The following LLGL2 variants were observed in gnomAD, a reference collection of about 807,000 sequenced individuals.
The protein encoded by LLGL2 is LLGL2, scribble cell polarity complex component.
A neutral mutation model predicts 123.2 loss-of-function variants in LLGL2; 81 were observed. That is an observed-to-expected ratio of 0.66 (90% CI 0.55 to 0.79). The LOEUF is 0.79. Ranked by LOEUF, LLGL2 falls within the 30% of genes least tolerant of loss-of-function variation. The pLI is 0.00. For missense variants in LLGL2, 1,273 were observed against 1,414.6 expected (o/e 0.90, Z 1.61); for synonymous variants, 577 against 594.1 (o/e 0.97, Z 0.42).
In LLGL2 at chr17:75,558,881, ACCCCACCTC is replaced by A. The variant is rs2055055745; in HGVS notation, c.371+256_371+264del. On this transcript the variant is annotated intron_variant, in intron 5 of 25. Coordinates refer to ENST00000392550, the MANE Select transcript of LLGL2 (RefSeq NM_001031803.2). This position sits in a 1 kb window ranked among gnomAD's most constrained non-coding sequence, Gnocchi z 4.0. ...TCCGCACCCCGCCTCCTCCATCCGC[ACCCCACCTC>A]CTCCATCCACACCACGCCTCCTCCA... 5.1e-6 allele frequency: 1 copy of A among 197,218 alleles called. No individual in the cohort carries two copies. Among genetic ancestry groups the A allele is most frequent in the African/African-American group, 4.0e-5 (1 of 24,704 alleles). The allele number at this position is 197,218 out of a possible 1,614,324, so 12.2% of individuals were successfully genotyped here. A position where few individuals can be genotyped will look rare whatever the true frequency, so the allele number is the denominator to read the frequency against.
chr17:75,570,502 A>T lies in LLGL2; in HGVS notation c.2025+4A>T, dbSNP rs747177188. 1 of 1,567,762 alleles carries T rather than the reference A, an allele frequency of 6.4e-7. No individual in the cohort carries two copies. Among genetic ancestry groups the T allele is most frequent in the South Asian group, 1.2e-5 (1 of 85,594 alleles). On this transcript the variant is annotated splice_donor_region_variant and intron_variant, in intron 16 of 25. Transcript: ENST00000392550. ...CCCGGCTGGCCCCCCAGGAGAGGTG[A>T]GGCCTGAGGTGAGGCTGCGGCCGGC...
At chr17:75,535,320 G>A (rs1424139056) in intron 1 of LLGL2, among the ~76,000 whole-genome samples, 2 of 152,254 alleles carry the variant, frequency 1.3e-5, no homozygotes, top group Non-Finnish European at 2.9e-5. Context: ...TGGGGAGCAC[G>A]AGCGAAGAGG....
rs1288243214 is a variant in LLGL2 at position 75,558,144 on chromosome 17, C to T, written c.174-11C>T. On this transcript the variant is annotated splice_polypyrimidine_tract_variant and intron_variant, in intron 3 of 25. Coordinates refer to ENST00000392550, the MANE Select transcript of LLGL2 (RefSeq NM_001031803.2). The surrounding 1 kb of genome is among the most constrained non-coding windows in gnomAD (Gnocchi z 4.0). Reference sequence around the variant, plus strand: ...TCCGACCTTCCAGAGCTTTCCTGAGCCTACTCCTAGCTACGGAGCCCCAGG... The same window carrying T: ...TCCGACCTTCCAGAGCTTTCCTGAGTCTACTCCTAGCTACGGAGCCCCAGG... The T allele has an allele frequency of 6.2e-7, 1 of 1,613,440 alleles. No individual in the cohort carries two copies.
chr17:75,554,299 T>C (rs576248961), intron 2 of LLGL2, among the ~76,000 whole-genome samples: 527 of 35,126 alleles, frequency 0.015, 15 homozygotes, highest in South Asian at 0.13. Flanking sequence ...CAAAACTCCG[T>C]CTCAAAAAAA....
At chr17:75,530,357 T>G (rs2053732759) in intron 1 of LLGL2, among the ~76,000 whole-genome samples, 1 of 152,090 alleles carries the variant, frequency 6.6e-6, no homozygotes, top group African/African-American at 2.4e-5. Flanking sequence ...TTTAAAAAAT[T>G]AGCTGGGCAT....
chr17:75,548,551 G>A (rs1279952430), intron 2 of LLGL2, among the ~76,000 whole-genome samples: 1 of 152,082 alleles, frequency 6.6e-6, no homozygotes, highest in Non-Finnish European at 1.5e-5. Flanking sequence ...TGCAATGCCA[G>A]CAGTTTGGGA....
chr17:75,536,550 C>T (rs1322086121), intron 1 of LLGL2, among the ~76,000 whole-genome samples: 1 of 152,170 alleles, frequency 6.6e-6, no homozygotes, highest in East Asian at 1.9e-4. Context: ...GAGGAGCCCA[C>T]GCCTGGTGAG....
At position 75,563,822 on chromosome 17, in the gene LLGL2, G is replaced by T. The variant is rs536214273; in HGVS notation, c.881+16G>T. 2 of 1,613,380 alleles carry T rather than the reference G, an allele frequency of 1.2e-6. No individual in the cohort carries two copies. Among genetic ancestry groups the T allele is most frequent in the Non-Finnish European group, 8.5e-7 (1 of 1,179,656 alleles). ...CTAGGCAGGGGTAGGTATCCATGCTGGTCCTCTTTCCTCTCCAGAGCCTTC... is the reference window on the plus strand; with the variant it reads ...CTAGGCAGGGGTAGGTATCCATGCTTGTCCTCTTTCCTCTCCAGAGCCTTC... On this transcript the variant is annotated intron_variant, in intron 9 of 25. Coordinates refer to ENST00000392550, the MANE Select transcript of LLGL2 (RefSeq NM_001031803.2).
At chr17:75,545,280 C>G (rs2054374845) in intron 2 of LLGL2, among the ~76,000 whole-genome samples, 1 of 152,122 alleles carries the variant, frequency 6.6e-6, no homozygotes, top group Non-Finnish European at 1.5e-5. Context: ...GCTCCTGGGT[C>G]TCCTGCTCTG....
chr17:75,550,688 G>A (rs912119326), intron 2 of LLGL2, among the ~76,000 whole-genome samples: 1 of 151,314 alleles, frequency 6.6e-6, no homozygotes, highest in Non-Finnish European at 1.5e-5. Context: ...GGGAGACTCA[G>A]GTGGATCACT....
rs1409860886 is a variant in LLGL2 at position 75,559,532 on chromosome 17, G to A, written c.530+122G>A. The A allele has an allele frequency of 1.6e-6, 2 of 1,269,134 alleles. No homozygotes were observed. The highest frequency in any genetic ancestry group is 1.5e-5 in the African/African-American group (1 of 66,826). The allele number at this position is 1,269,134 out of a possible 1,614,324, so 78.6% of individuals were successfully genotyped here. A position where few individuals can be genotyped will look rare whatever the true frequency, so the allele number is the denominator to read the frequency against. ...CTGCTGGGAATTCCATGGGGCTATA[G>A]CAGGGGAGGCTCTTGGCTTCCTACC... On this transcript the variant is annotated intron_variant, in intron 6 of 25. Coordinates refer to ENST00000392550, the MANE Select transcript of LLGL2 (RefSeq NM_001031803.2). The surrounding 1 kb of genome is among the most constrained non-coding windows in gnomAD (Gnocchi z 4.6).
At chr17:75,528,844 G>T (rs530442469) in intron 1 of LLGL2, among the ~76,000 whole-genome samples, 1 of 152,236 alleles carries the variant, frequency 6.6e-6, no homozygotes, top group Admixed American at 6.5e-5. Flanking sequence ...AGGAAACATT[G>T]TAGAAAGTGT....
At chr17:75,565,499 GAGCAGGGCCCAGCTCTGCTCTTTCCACA>G (rs1179350745) in intron 10 of LLGL2, among the ~76,000 whole-genome samples, 6 of 152,196 alleles carry the variant, frequency 3.9e-5, no homozygotes, top group Admixed American at 2.0e-4. Flanking sequence ...TGGATGCTGA[GAGCAGGGCCCAGCTCTGCTCTTTCCACA>G]ACATTTGGGC....
chr17:75,534,333 C>A (rs1188166121), intron 1 of LLGL2, among the ~76,000 whole-genome samples: 1 of 152,186 alleles, frequency 6.6e-6, no homozygotes, highest in African/African-American at 2.4e-5. Context: ...GGTTGTGATT[C>A]CATAGGATAG....
In LLGL2 at chr17:75,559,363, T is replaced by C. The variant is rs1310446343; in HGVS notation, c.483T>C (p.Phe161=). 6.2e-7 allele frequency: 1 copy of C among 1,613,346 alleles called. No individual in the cohort carries two copies. The highest frequency in any genetic ancestry group is 1.1e-5 in the South Asian group (1 of 91,054). ...GNVFVVQLPA[F]RALEDRTISS... ...TGTTTGTGGTGCAGCTGCCAGCTTT[T>C]CGTGCGCTGGAGGACCGGACCATCA... Residue 161 remains phenylalanine, a synonymous_variant, in exon 6 of 26, where the codon TTT becomes TTC. Coordinates refer to ENST00000392550, the MANE Select transcript of LLGL2 (RefSeq NM_001031803.2). The surrounding 1 kb of genome is among the most constrained non-coding windows in gnomAD (Gnocchi z 4.6).
At position 75,570,438 on chromosome 17, in the gene LLGL2, C is replaced by T; in HGVS notation, c.1965C>T (p.Arg655=). Residue 655 remains arginine, a synonymous_variant, in exon 16 of 26, where the codon CGC becomes CGT. Coordinates refer to ENST00000392550, the MANE Select transcript of LLGL2 (RefSeq NM_001031803.2). ...AGAAGTCCTTGCGTCAGTCATTCCG[C>T]CGGATGCGTCGGAGCCGGGTGTCCA... The part of the protein sequence containing the change: ...SLKKSLRQSF[R]RMRRSRVSSR... 1 of 1,601,608 alleles carries T rather than the reference C, an allele frequency of 6.2e-7. No homozygotes were observed. Among genetic ancestry groups the T allele is most frequent in the Non-Finnish European group, 8.5e-7 (1 of 1,175,150 alleles).
intron 14 of LLGL2, 111 bp downstream of exon 14, chr17:75,569,436 T>C: frequency 1.1e-6 from 1 of 873,092 alleles, no homozygotes; most frequent in Non-Finnish European, 1.8e-6. Context: ...CCTTTGCTTT[T>C]CCGGTGGATG....
intron 2 of LLGL2, among the ~76,000 whole-genome samples, chr17:75,548,294 T>C (rs1358633633): frequency 1.5e-3 from 145 of 99,496 alleles, no homozygotes; most frequent in African/African-American, 5.5e-3. Flanking sequence ...TTTTTTTTTT[T>C]TGGACGGAGT....
At chr17:75,547,259 C>T (rs1169822335) in intron 2 of LLGL2, among the ~76,000 whole-genome samples, 1 of 152,222 alleles carries the variant, frequency 6.6e-6, no homozygotes, top group African/African-American at 2.4e-5. Flanking sequence ...TGAACTCTGC[C>T]AGGAACTGGC....
Sources: gnomAD v4.1 joint callset for allele counts (sites outside exome capture counted in the v4.1 genomes callset) on GRCh38, gnomAD v4.1.1 for gene constraint, Gnocchi (gnomAD v3.1) non-coding constraint, MANE v1.5 for transcripts, NCBI Gene and HGNC (gene_info 2026-07-23, HGNC 2026-07-21) for gene names.